The following INPP4B variants were observed in gnomAD, a reference collection of about 807,000 sequenced individuals.
INPP4B encodes inositol polyphosphate-4-phosphatase type II B.
INPP4B carries 55 observed loss-of-function variants against 122.5 expected under a neutral mutation model. The ratio of observed to expected loss-of-function variants is 0.45; its 90% CI spans 0.36 to 0.56. The LOEUF (loss-of-function observed/expected upper bound fraction) is 0.56, where lower values mean the gene tolerates loss of function less well. Among genes scored for constraint, INPP4B ranks in the 20% least tolerant of loss-of-function variants. The pLI is 0.00. For synonymous variants in INPP4B, 403 were observed against 388.7 expected, an observed-to-expected ratio of 1.04 and a Z score of -0.43; for missense variants, 1,000 against 1,097.7, an observed-to-expected ratio of 0.91 and a Z score of 1.26.
At chr4:142,188,505 AAAAAAG>A (rs1335116875) in intron 15 of INPP4B, among the ~76,000 whole-genome samples, 1,455 of 117,494 alleles carry the variant, frequency 0.012, 61 homozygotes, top group African/African-American at 0.049. Flanking sequence ...AAAAAAAAAA[AAAAAAG>A]AAAAAAAATA....
intron 2 of INPP4B, among the ~76,000 whole-genome samples, chr4:142,721,544 C>CG (rs1271182320): frequency 6.6e-6 from 1 of 152,126 alleles, no homozygotes; most frequent in Non-Finnish European, 1.5e-5. Context: ...GTCATAAGGC[C>CG]GGGCGCTGTG....
intron 5 of INPP4B, among the ~76,000 whole-genome samples, chr4:142,409,017 A>AT (rs1804033750): frequency 6.6e-6 from 1 of 152,298 alleles, no homozygotes; most frequent in Admixed American, 6.5e-5. Flanking sequence ...ATAAAGAGCA[A>AT]TAAGTGACTT....
In INPP4B at chr4:142,431,272, C is replaced by A. The variant is rs138325014; in HGVS notation, c.-13G>T. On this transcript the variant is annotated 5_prime_UTR_variant, in exon 4 of 26. Coordinates refer to ENST00000262992, the MANE Select transcript of INPP4B (RefSeq NM_001101669.3). ...CTTTAATTTCCATGATCAACCTTCACAGTTTTAAAATTTTCCAAATTTTCT... is the reference window on the plus strand; with the variant it reads ...CTTTAATTTCCATGATCAACCTTCAAAGTTTTAAAATTTTCCAAATTTTCT... 37,135 of 1,609,536 alleles carry A rather than the reference C, an allele frequency of 0.023. 561 individuals are homozygous for A. Among genetic ancestry groups the A allele is most frequent in the Non-Finnish European group, 0.028 (33,269 of 1,176,274 alleles).
At chr4:142,048,519 AAGAG>A (rs372497021) in intron 25 of INPP4B, among the ~76,000 whole-genome samples, 1 of 152,030 alleles carries the variant, frequency 6.6e-6, no homozygotes, top group African/African-American at 2.4e-5. Flanking sequence ...AACATTAAAA[AAGAG>A]AGAAAAAGAA....
chr4:142,834,456 C>T (rs1193745980), intron 1 of INPP4B, among the ~76,000 whole-genome samples: 1 of 152,106 alleles, frequency 6.6e-6, no homozygotes, highest in Non-Finnish European at 1.5e-5. Flanking sequence ...TGGGTACCTC[C>T]TGGTGCTGGC....
chr4:142,425,237 C>T (rs1807787573), intron 5 of INPP4B: 1 of 152,032 alleles, frequency 6.6e-6, no homozygotes, highest in Non-Finnish European at 1.5e-5. Context: ...ATCACCAGGC[C>T]TGATCCCATT....
At chr4:142,345,920 C>A (rs1266556530) in intron 7 of INPP4B, among the ~76,000 whole-genome samples, 1 of 151,904 alleles carries the variant, frequency 6.6e-6, no homozygotes, top group Non-Finnish European at 1.5e-5. Context: ...GCTTCTAGAT[C>A]TTCTCTTTTT....
intron 5 of INPP4B, among the ~76,000 whole-genome samples, chr4:142,410,508 A>T (rs141063346): frequency 7.2e-5 from 11 of 152,324 alleles, no homozygotes; most frequent in African/African-American, 2.6e-4. Flanking sequence ...AGTGAGGGGG[A>T]TATGACAAGA....
At chr4:142,605,568 A>G (rs2150315874) in intron 2 of INPP4B, among the ~76,000 whole-genome samples, 1 of 152,106 alleles carries the variant, frequency 6.6e-6, no homozygotes, top group Non-Finnish European at 1.5e-5. Context: ...AAGAACTCAA[A>G]CATCTCAATA....
intron 1 of INPP4B, among the ~76,000 whole-genome samples, chr4:142,842,363 T>C (rs534083027): frequency 6.6e-6 from 1 of 151,030 alleles, no homozygotes; most frequent in Non-Finnish European, 1.5e-5. Flanking sequence ...TAATAGCTAA[T>C]GTTTGGTGAA....
chr4:142,746,758 A>T (rs942772022), intron 1 of INPP4B, among the ~76,000 whole-genome samples: 2 of 152,304 alleles, frequency 1.3e-5, no homozygotes, highest in Admixed American at 1.3e-4. Context: ...CCTGACAAAA[A>T]GCAGCAATGG....
chr4:142,536,132 T>C (rs1828165121), intron 2 of INPP4B, among the ~76,000 whole-genome samples: 2 of 152,206 alleles, frequency 1.3e-5, no homozygotes, highest in Admixed American at 1.3e-4. Context: ...GCCCAATTTT[T>C]AGGGGGTAAG....
At chr4:142,735,105 T>C (rs1289126165) in intron 1 of INPP4B, among the ~76,000 whole-genome samples, 1 of 152,200 alleles carries the variant, frequency 6.6e-6, no homozygotes, top group African/African-American at 2.4e-5. Flanking sequence ...CTAGAACACA[T>C]TCTGTTTTTA....
At chr4:142,845,979 C>T (rs1784153327) in intron 1 of INPP4B, among the ~76,000 whole-genome samples, 1 of 151,980 alleles carries the variant, frequency 6.6e-6, no homozygotes, top group Non-Finnish European at 1.5e-5. Flanking sequence ...GACAGGGGTA[C>T]CCCAGCAGCC....
chr4:142,132,971 G>A (rs1032358033), intron 18 of INPP4B, among the ~76,000 whole-genome samples: 10 of 151,934 alleles, frequency 6.6e-5, no homozygotes, highest in East Asian at 3.9e-4. Context: ...GGCTACTCTC[G>A]TCATCAAAGA....
intron 25 of INPP4B, chr4:142,029,859 G>T: frequency 9.2e-7 from 1 of 1,083,088 alleles, no homozygotes; most frequent in Non-Finnish European, 1.1e-6. Flanking sequence ...TCAGGATTCT[G>T]TTCTTTGTCT....
At chr4:142,704,719 C>T (rs1277222473) in intron 2 of INPP4B, among the ~76,000 whole-genome samples, 1 of 152,174 alleles carries the variant, frequency 6.6e-6, no homozygotes, top group Non-Finnish European at 1.5e-5. Context: ...TCTATTGCCA[C>T]GTAAACATGC....
chr4:142,236,944 G>T (rs1019309314), intron 12 of INPP4B, among the ~76,000 whole-genome samples: 1 of 152,188 alleles, frequency 6.6e-6, no homozygotes, highest in African/African-American at 2.4e-5. Flanking sequence ...AATTTAATGA[G>T]ATTTAGAACC....
chr4:142,208,447 C>G lies in INPP4B; in HGVS notation c.1050G>C (p.Gln350His). 1 of 1,586,172 alleles carries G rather than the reference C, an allele frequency of 6.3e-7. No individual in the cohort carries two copies. The highest frequency in any genetic ancestry group is 1.4e-5 in the African/African-American group (1 of 73,938). ...TACCTTTCAAGTGAGGGCTGTGTAC[C>G]TGCATTCTTTGCAGATGTAGATTTA... ...VPINLHLQRM[Q>H]VHSPHLKDAL... The change falls in exon 14 of 26, where the codon CAG becomes CAC. Residue 350 changes from glutamine to histidine, a missense_variant. Transcript: ENST00000262992.
Sources: allele counts gnomAD v4.1 joint callset (sites outside exome capture counted in the v4.1 genomes callset), GRCh38; gene constraint gnomAD v4.1.1; transcripts MANE v1.5; gene names NCBI Gene and HGNC (gene_info 2026-07-23, HGNC 2026-07-21).